TSC22D1: variants seen among roughly 807,000 people sequenced by gnomAD.
TSC22D1 encodes TSC22 domain family member 1.
A neutral mutation model predicts 74.2 loss-of-function variants in TSC22D1; 9 were observed. The ratio of observed to expected loss-of-function variants is 0.12; its 90% CI spans 0.07 to 0.21. TSC22D1 has a LOEUF of 0.21. TSC22D1 is among the 10% of genes least tolerant of loss of function. TSC22D1 has a pLI of 1.00. For synonymous variants in TSC22D1, 586 were observed against 492.5 expected (o/e 1.19, Z -2.51); for missense variants, 1,427 against 1,304.7 (o/e 1.09, Z -1.44).
chr13:44,522,435 C>T (rs1329118982), intron 1 of TSC22D1, among the ~76,000 whole-genome samples: 2 of 152,102 alleles, frequency 1.3e-5, no homozygotes, highest in Non-Finnish European at 2.9e-5. Context: ...CAGGGATCAA[C>T]AGATAAGGCA....
chr13:44,519,438 G>T lies in TSC22D1; in HGVS notation c.2912+53725C>A, dbSNP rs1419858915. On this transcript the variant is annotated intron_variant, in intron 1 of 2. Coordinates refer to ENST00000458659, the MANE Select transcript of TSC22D1 (RefSeq NM_183422.4). ...ATGGCACGCAAAAATGTAAAACCAG[G>T]AGTATACAAAATGGAGTATACATGG... is the stretch of plus-strand genomic sequence containing the variant. Among the ~76,000 whole-genome samples the T allele has an allele frequency of 2.6e-5, 4 of 151,974 alleles. No homozygotes were observed. In the East Asian group the frequency reaches 5.8e-4, roughly 22 times the overall value.
At chr13:44,494,056 C>T (rs1878845155) in intron 1 of TSC22D1, among the ~76,000 whole-genome samples, 1 of 151,970 alleles carries the variant, frequency 6.6e-6, no homozygotes, top group Admixed American at 6.6e-5. Flanking sequence ...CACAGCACGA[C>T]ATCATCTCTA....
intron 1 of TSC22D1, among the ~76,000 whole-genome samples, chr13:44,461,028 G>A (rs1448835137): frequency 6.6e-6 from 1 of 152,106 alleles, no homozygotes; most frequent in Admixed American, 6.5e-5. Context: ...ATAAATTAAA[G>A]TTCAAAGAGA....
At chr13:44,456,216 A>C (rs914650953) in intron 1 of TSC22D1, among the ~76,000 whole-genome samples, 1 of 152,172 alleles carries the variant, frequency 6.6e-6, no homozygotes, top group African/African-American at 2.4e-5. Flanking sequence ...CTAACAGTAA[A>C]ACAACAAAGC....
chr13:44,545,695 G>C (rs1424808007), intron 1 of TSC22D1, among the ~76,000 whole-genome samples: 1 of 151,922 alleles, frequency 6.6e-6, no homozygotes, highest in African/African-American at 2.4e-5. Context: ...TGAAAGACCA[G>C]GCCAGGCGTG....
At chr13:44,535,621 A>AAAAC (rs142334696) in intron 1 of TSC22D1, among the ~76,000 whole-genome samples, 22,825 of 151,384 alleles carry the variant, frequency 0.15, 2,077 homozygotes, top group African/African-American at 0.25. Flanking sequence ...GAAGCTACAA[A>AAAAC]AAACAAACAA....
chr13:44,454,169 A>G (rs535729956), intron 1 of TSC22D1, among the ~76,000 whole-genome samples: 1 of 152,282 alleles, frequency 6.6e-6, no homozygotes, highest in Non-Finnish European at 1.5e-5. Context: ...AGTTAATTCT[A>G]AAAAAACTTT....
At chr13:44,495,695 A>G (rs1878941955) in intron 1 of TSC22D1, among the ~76,000 whole-genome samples, 1 of 152,232 alleles carries the variant, frequency 6.6e-6, no homozygotes, top group African/African-American at 2.4e-5. Context: ...ATCTAGATAT[A>G]AACACCTACA....
rs1188469077 is a variant in TSC22D1 at position 44,432,990 on chromosome 13, A to C, written c.*1636T>G. 2 of 152,150 alleles carry C rather than the reference A, an allele frequency of 1.3e-5. No individual in the cohort carries two copies. The highest frequency in any genetic ancestry group is 2.4e-5 in the African/African-American group (1 of 41,420). 9.4% of individuals were successfully genotyped at this position (152,150 alleles called of 1,614,324 possible). A position where few individuals can be genotyped will look rare whatever the true frequency, so the allele number is the denominator to read the frequency against. On this transcript the variant is annotated 3_prime_UTR_variant, in exon 3 of 3. Transcript: ENST00000458659. ...TCCTTGCTCATCTGGTCCCACCTCAAATCATCTTTTGCTTAGACAAAACGA... is the reference window on the plus strand; with the variant it reads ...TCCTTGCTCATCTGGTCCCACCTCACATCATCTTTTGCTTAGACAAAACGA...
At chr13:44,489,993 C>T (rs1389790457) in intron 1 of TSC22D1, among the ~76,000 whole-genome samples, 2 of 152,120 alleles carry the variant, frequency 1.3e-5, no homozygotes, top group African/African-American at 2.4e-5. Flanking sequence ...CTACTCAAGA[C>T]GAACATACAC....
intron 1 of TSC22D1, among the ~76,000 whole-genome samples, chr13:44,514,039 A>G (rs1879856639): frequency 6.6e-6 from 1 of 152,186 alleles, no homozygotes; most frequent in Non-Finnish European, 1.5e-5. Context: ...AGAAAATGTT[A>G]CCTTTTCTAT....
intron 1 of TSC22D1, among the ~76,000 whole-genome samples, chr13:44,545,840 G>A (rs954128729): frequency 1.3e-5 from 2 of 152,072 alleles, no homozygotes; most frequent in Admixed American, 6.6e-5. Flanking sequence ...AGCCAGGTGT[G>A]ATGGTGCATG....
At chr13:44,474,658 G>A (rs1167909464) in intron 1 of TSC22D1, among the ~76,000 whole-genome samples, 1 of 151,852 alleles carries the variant, frequency 6.6e-6, no homozygotes. Context: ...ATGGAAGGAA[G>A]GAGAAGAGGA....
chr13:44,525,171 A>C (rs537338555), intron 1 of TSC22D1, among the ~76,000 whole-genome samples: 36 of 152,202 alleles, frequency 2.4e-4, no homozygotes, highest in Non-Finnish European at 3.8e-4. Flanking sequence ...GCACTGTCCC[A>C]CAAAAAACCT....
At chr13:44,513,172 C>T (rs1435548902) in intron 1 of TSC22D1, among the ~76,000 whole-genome samples, 1 of 152,188 alleles carries the variant, frequency 6.6e-6, no homozygotes, top group Non-Finnish European at 1.5e-5. Context: ...TCTACTTCCC[C>T]TAACACTAAA....
In TSC22D1 at chr13:44,575,814, G is replaced by A. The variant is rs61749000; in HGVS notation, c.261C>T (p.Leu87=). 1.4e-3 allele frequency: 2,205 copies of A among 1,614,170 alleles called. 14 individuals carry two copies. In the African/African-American group the frequency reaches 0.017, roughly 12 times the overall value. Reference sequence around the variant, plus strand: ...GTGCCTGCAGCTGAGCCTGCGAAAGGAGGTTCAGGCTTTGTGGAGGCGGAG... The same window carrying A: ...GTGCCTGCAGCTGAGCCTGCGAAAGAAGGTTCAGGCTTTGTGGAGGCGGAG... The part of the protein sequence containing the change: ...PQPPPPQSLN[L]LSQAQLQAQP... Residue 87 remains leucine, a synonymous_variant, in exon 1 of 3, where the codon CTC becomes CTT. Coordinates refer to ENST00000458659, the MANE Select transcript of TSC22D1 (RefSeq NM_183422.4).
intron 1 of TSC22D1, chr13:44,539,985 G>C: frequency 8.2e-7 from 1 of 1,215,632 alleles, no homozygotes; most frequent in Non-Finnish European, 1.1e-6. Flanking sequence ...TACATTCTCT[G>C]GTCATTTGAG....
intron 1 of TSC22D1, among the ~76,000 whole-genome samples, chr13:44,556,123 G>A (rs193163773): frequency 2.6e-5 from 4 of 151,494 alleles, no homozygotes; most frequent in African/African-American, 9.7e-5. Flanking sequence ...CTTTACTATT[G>A]TTAACTATAA....
intron 1 of TSC22D1, among the ~76,000 whole-genome samples, chr13:44,532,035 A>G (rs759311395): frequency 1.1e-4 from 17 of 152,232 alleles, no homozygotes; most frequent in Non-Finnish European, 2.1e-4. Context: ...TTAAATTAGT[A>G]AATACAACCC....
Sources: gnomAD v4.1 joint callset for allele counts (sites outside exome capture counted in the v4.1 genomes callset) on GRCh38, gnomAD v4.1.1 for gene constraint, MANE v1.5 for transcripts, NCBI Gene and HGNC (gene_info 2026-07-23, HGNC 2026-07-21) for gene names.